STK33: variants seen among roughly 807,000 people sequenced by gnomAD.
The protein encoded by STK33 is serine/threonine-protein kinase 33.
In STK33, 52 loss-of-function variants were observed where a neutral mutation model predicts 58.0. The ratio of observed to expected loss-of-function variants is 0.90; its 90% CI spans 0.72 to 1.13. The LOEUF (loss-of-function observed/expected upper bound fraction) is 1.13, where lower values mean the gene tolerates loss of function less well. Among genes scored for constraint, STK33 ranks in the 50% most tolerant of loss-of-function variants. The probability of loss-of-function intolerance (pLI) is 0.00; values close to 1 mark genes in which losing one functional copy is unlikely to be tolerated. For missense variants in STK33, 630 were observed against 604.2 expected (o/e 1.04, Z -0.45); for synonymous variants, 215 against 200.1 (o/e 1.07, Z -0.63).
intron 15 of STK33, among the ~76,000 whole-genome samples, chr11:8,402,229 A>G (rs1181174377): frequency 5.3e-5 from 8 of 152,224 alleles, no homozygotes; most frequent in Admixed American, 6.5e-5. Flanking sequence ...ATGTCCAACA[A>G]TGATAGACTG....
intron 1 of STK33, among the ~76,000 whole-genome samples, chr11:8,483,732 G>A (rs1269907886): frequency 1.3e-5 from 2 of 152,090 alleles, no homozygotes; most frequent in African/African-American, 2.4e-5. Flanking sequence ...ACTGCCGAAC[G>A]AACATATTAA....
chr11:8,382,472 G>A, the STK33 span, among the ~76,000 whole-genome samples: 2 of 152,248 alleles, frequency 1.3e-5, no homozygotes, highest in African/African-American at 4.8e-5. Context: ...TCAGGGGAGG[G>A]CGCTCAGAGT....
At chr11:8,591,756 A>G (rs4244803) in intron 1 of STK33, among the ~76,000 whole-genome samples, 150,743 of 151,784 alleles carry the variant, frequency 0.99, 74,863 homozygotes, top group Middle Eastern at 1. Context: ...AACACTGCAT[A>G]TTCTCACTCA....
At position 8,574,677 on chromosome 11, in the gene STK33, T is replaced by C. The variant is rs182708591; in HGVS notation, c.-466+19406A>G. Among the ~76,000 whole-genome samples, 384 of 152,198 alleles carry C rather than the reference T, an allele frequency of 2.5e-3. 1 individual carries two copies. Among genetic ancestry groups the C allele is most frequent in the Non-Finnish European group, 4.3e-3 (295 of 68,018 alleles). ...GCAAGTACATATAACTACAGACCAATATCCTTCATGAACCTAGAAGCAAAA... is the reference window on the plus strand; with the variant it reads ...GCAAGTACATATAACTACAGACCAACATCCTTCATGAACCTAGAAGCAAAA... On this transcript the variant is annotated intron_variant, in intron 1 of 15. Transcript: ENST00000687296.
chr11:8,553,629 A>G (rs2140700399), intron 1 of STK33, among the ~76,000 whole-genome samples: 1 of 152,314 alleles, frequency 6.6e-6, no homozygotes, highest in South Asian at 2.1e-4. Context: ...AACAGGACAG[A>G]AATCCCAGAA....
chr11:8,364,561 A>T, the STK33 span, among the ~76,000 whole-genome samples: 3 of 151,926 alleles, frequency 2.0e-5, no homozygotes, highest in African/African-American at 7.3e-5. Context: ...AGGGAAGTTT[A>T]CCCCTTAGGC....
chr11:8,337,183 G>A, the STK33 span, among the ~76,000 whole-genome samples: 1 of 152,196 alleles, frequency 6.6e-6, no homozygotes, highest in Non-Finnish European at 1.5e-5. Context: ...AGTTATTGAG[G>A]CACAAGAAAG....
chr11:8,526,191 G>A (rs1159821698), intron 1 of STK33, among the ~76,000 whole-genome samples: 1 of 152,130 alleles, frequency 6.6e-6, no homozygotes, highest in Non-Finnish European at 1.5e-5. Flanking sequence ...GAAGTCAAGA[G>A]ATTGAGACCA....
intron 8 of STK33, among the ~76,000 whole-genome samples, chr11:8,461,009 T>G (rs1044457183): frequency 3.9e-5 from 6 of 152,158 alleles, no homozygotes; most frequent in African/African-American, 1.4e-4. Context: ...TTTATATCAA[T>G]TGTCTCATTT....
chr11:8,472,647 T>C (rs1252880887), intron 6 of STK33, among the ~76,000 whole-genome samples: 2 of 152,252 alleles, frequency 1.3e-5, no homozygotes, highest in Non-Finnish European at 2.9e-5. Flanking sequence ...TTGCAGTTTC[T>C]TTAATGTTAA....
At chr11:8,516,714 C>A (rs984397158) in intron 1 of STK33, among the ~76,000 whole-genome samples, 2 of 152,208 alleles carry the variant, frequency 1.3e-5, no homozygotes, top group African/African-American at 4.8e-5. Context: ...GGGTCTCACA[C>A]CCACGAAGCC....
intron 15 of STK33, among the ~76,000 whole-genome samples, chr11:8,404,557 C>G (rs1311947336): frequency 6.6e-6 from 1 of 152,156 alleles, no homozygotes; most frequent in East Asian, 1.9e-4. Flanking sequence ...AGTTATTCTG[C>G]TTAACATTTT....
chr11:8,530,782 C>G (rs1229369227), intron 1 of STK33, among the ~76,000 whole-genome samples: 3 of 152,176 alleles, frequency 2.0e-5, no homozygotes, highest in Non-Finnish European at 4.4e-5. Flanking sequence ...CTCTGCCGCC[C>G]AGGTTCAAGC....
chr11:8,530,168 G>A (rs1954409363), intron 1 of STK33, among the ~76,000 whole-genome samples: 2 of 152,194 alleles, frequency 1.3e-5, no homozygotes, highest in South Asian at 2.1e-4. Context: ...TAGTATCAGT[G>A]CAAAATAAGT....
At chr11:8,534,275 C>CAA (rs10712860) in intron 1 of STK33, among the ~76,000 whole-genome samples, 226 of 131,758 alleles carry the variant, frequency 1.7e-3, no homozygotes, top group African/African-American at 5.6e-3. Context: ...GACTGCATCT[C>CAA]AAAAAAAAAA....
intron 1 of STK33, among the ~76,000 whole-genome samples, chr11:8,533,105 T>C (rs1398502048): frequency 1.3e-5 from 2 of 152,242 alleles, no homozygotes; most frequent in Non-Finnish European, 2.9e-5. Context: ...ATTTTATCAG[T>C]TGAAAATGTC....
the STK33 span, among the ~76,000 whole-genome samples, chr11:8,368,701 G>T: frequency 3.9e-5 from 6 of 152,212 alleles, no homozygotes; most frequent in African/African-American, 1.4e-4. Context: ...CTTGGCCCCT[G>T]CCCTCAAGGA....
chr11:8,502,328 G>A (rs1408334053), intron 1 of STK33, among the ~76,000 whole-genome samples: 1 of 152,020 alleles, frequency 6.6e-6, no homozygotes, highest in Non-Finnish European at 1.5e-5. Flanking sequence ...CAGAAATAAT[G>A]CTGTGCACCT....
At chr11:8,397,150 G>A (rs541654504) in intron 15 of STK33, among the ~76,000 whole-genome samples, 1 of 152,214 alleles carries the variant, frequency 6.6e-6, no homozygotes, top group Non-Finnish European at 1.5e-5. Flanking sequence ...ATCTGAGAAT[G>A]GACAGACTGC....
Sources: allele counts gnomAD v4.1 joint callset (sites outside exome capture counted in the v4.1 genomes callset), GRCh38; gene constraint gnomAD v4.1.1; transcripts MANE v1.5; gene names NCBI Gene and HGNC (gene_info 2026-07-23, HGNC 2026-07-21).